Variants in ALS2 observed in about 807,000 individuals in gnomAD.
ALS2 encodes alsin Rho guanine nucleotide exchange factor ALS2, also known as alsin.
ALS2 carries 117 observed loss-of-function variants against 203.4 expected under a neutral mutation model. That is an observed-to-expected ratio of 0.58 (90% CI 0.50 to 0.67). The LOEUF is 0.67. ALS2 is among the 30% of genes least tolerant of loss of function. The probability of loss-of-function intolerance (pLI) is 0.00; values close to 1 mark genes in which losing one functional copy is unlikely to be tolerated. For missense variants in ALS2, 1,715 were observed against 1,989.4 expected (o/e 0.86, Z 2.62); for synonymous variants, 718 against 725.9 (o/e 0.99, Z 0.17).
intron 13 of ALS2, among the ~76,000 whole-genome samples, chr2:201,731,985 A>G (rs1691587059): frequency 6.6e-6 from 1 of 152,230 alleles, no homozygotes; most frequent in Non-Finnish European, 1.5e-5. Context: ...AGGGAAACTG[A>G]ACTCTGACTC....
In ALS2 at chr2:201,724,568, ATTAT is replaced by A. The variant is rs1028503431; in HGVS notation, c.3348-113_3348-110del. On this transcript the variant is annotated intron_variant, in intron 20 of 33. Coordinates refer to ENST00000264276, the MANE Select transcript of ALS2 (RefSeq NM_020919.4). ...ATACTCAGTCTCACTGGTAGCTATA[ATTAT>A]TTGTTTATATGATTATTTTTCACCA... 14 of 1,131,820 alleles carry A rather than the reference ATTAT, an allele frequency of 1.2e-5. No homozygotes were observed. In the African/African-American group the frequency reaches 2.2e-4, roughly 18 times the overall value. The allele number at this position is 1,131,820 out of a possible 1,614,324, so 70.1% of individuals were successfully genotyped here.
intron 5 of ALS2, among the ~76,000 whole-genome samples, chr2:201,755,293 G>A (rs868289124): frequency 6.6e-6 from 1 of 151,772 alleles, no homozygotes; most frequent in Non-Finnish European, 1.5e-5. Flanking sequence ...ACGGAGTTTC[G>A]CTCTTGTCAT....
intron 20 of ALS2, among the ~76,000 whole-genome samples, chr2:201,724,983 GGCGC>G (rs1691062186): frequency 6.6e-6 from 1 of 151,884 alleles, no homozygotes. Flanking sequence ...TGTGGTGGCG[GGCGC>G]CTGGAGTCCC....
At chr2:201,773,710 T>C (rs1415685233) in intron 1 of ALS2, among the ~76,000 whole-genome samples, 5 of 151,992 alleles carry the variant, frequency 3.3e-5, no homozygotes, top group African/African-American at 1.2e-4. Context: ...AACAAGACAA[T>C]AGATAATGTC....
intron 1 of ALS2, among the ~76,000 whole-genome samples, chr2:201,775,530 C>A (rs1000255413): frequency 2.0e-5 from 3 of 152,102 alleles, no homozygotes; most frequent in African/African-American, 7.2e-5. Flanking sequence ...GACTCAAACA[C>A]CTGACTTACA....
chr2:201,705,347 G>A, intron 30 of ALS2, 69 bp downstream of exon 30: 2 of 1,550,724 alleles, frequency 1.3e-6, no homozygotes, highest in South Asian at 2.2e-5. Flanking sequence ...AAATGAAAAA[G>A]TTTTGCTATC....
intron 1 of ALS2, among the ~76,000 whole-genome samples, chr2:201,772,278 T>TAACAACAAC (rs3057124): frequency 1.1e-4 from 16 of 151,086 alleles, no homozygotes; most frequent in East Asian, 5.9e-4. Context: ...GAAGTGCCCT[T>TAACAACAAC]AACAACAACA....
chr2:201,754,401 G>T, intron 6 of ALS2, 102 bp downstream of exon 6: 1 of 1,394,592 alleles, frequency 7.2e-7, no homozygotes, highest in Non-Finnish European at 1.0e-6. Context: ...AGCTAGAAGA[G>T]CCCAGATTTC....
Position 201,761,452 on chromosome 2 carries a change from C to T in ALS2, c.542G>A (p.Gly181Asp). 6.2e-7 allele frequency: 1 copy of T among 1,607,156 alleles called. No homozygotes were observed. Among genetic ancestry groups the T allele is most frequent in the Non-Finnish European group, 8.5e-7 (1 of 1,174,566 alleles). ...IWAWGTGCQL[G>D]LITTAFPVTK... Reference sequence around the variant, plus strand: ...CACTGGGAAGGCAGTGGTAATGAGACCCAACTGACAACCGGTACCCCATGC... The same window carrying T: ...CACTGGGAAGGCAGTGGTAATGAGATCCAACTGACAACCGGTACCCCATGC... Residue 181 changes from glycine (G) to aspartate (D), a missense_variant, in exon 4 of 34, where the codon GGT becomes GAT. Gly to Asp is a moderately conservative substitution (Grantham distance 94). This residue lies in a region of ALS2 where 476 missense variants were observed against 539.3 expected (regional missense o/e 0.88). Transcript: ENST00000264276.
At chr2:201,719,786 T>C (rs930299382) in intron 23 of ALS2, among the ~76,000 whole-genome samples, 4 of 152,140 alleles carry the variant, frequency 2.6e-5, no homozygotes, top group African/African-American at 9.7e-5. Flanking sequence ...CTATGACATT[T>C]TGTTAAAGCA....
At chr2:201,708,064 C>T in intron 27 of ALS2, 73 bp from the exon 28 acceptor site, 1 of 1,438,884 alleles carries the variant, frequency 6.9e-7, no homozygotes. Context: ...AACACATTTC[C>T]ATTAGTTATG....
intron 28 of ALS2, 42 bp downstream of exon 28, chr2:201,707,827 C>A: frequency 6.2e-7 from 1 of 1,606,920 alleles, no homozygotes; most frequent in South Asian, 1.1e-5. Flanking sequence ...ATCATCTAGT[C>A]ACCATTCCCT....
At chr2:201,780,527 T>TAGCTGGAAGGC (rs1448868663) in intron 1 of ALS2, among the ~76,000 whole-genome samples, 1 of 152,136 alleles carries the variant, frequency 6.6e-6, no homozygotes, top group Admixed American at 6.5e-5. Flanking sequence ...CGTGAATGAA[T>TAGCTGGAAGGC]AGCTGGAAGG....
intron 4 of ALS2, among the ~76,000 whole-genome samples, 160 bp from the exon 5 acceptor site, chr2:201,757,919 A>G (rs1055996191): frequency 4.6e-5 from 7 of 152,248 alleles, no homozygotes; most frequent in Admixed American, 3.9e-4. Context: ...CTTCTTGATC[A>G]TGGAGTTAAC....
chr2:201,741,350 G>C (rs1692253671), intron 11 of ALS2: 2 of 259,542 alleles, frequency 7.7e-6, no homozygotes, highest in Non-Finnish European at 1.5e-5. Context: ...TTTCTTCCAA[G>C]TTTTAGTACA....
At position 201,733,969 on chromosome 2, in the gene ALS2, CT is replaced by C. The variant is rs1445313150; in HGVS notation, c.2418-532del. Among the ~76,000 whole-genome samples, 8 of 152,146 alleles carry C rather than the reference CT, an allele frequency of 5.3e-5. No homozygotes were observed. The East Asian group carries it at 1.5e-3, about 29-fold the overall frequency. On this transcript the variant is annotated intron_variant, in intron 12 of 33. Transcript: ENST00000264276. ...GGAAAGTAATAAAAAGCTGCAAGAA[CT>C]AGTATTACAGTTAACAAGAAACAAT...
intron 31 of ALS2, 139 bp downstream of exon 31, chr2:201,705,000 T>C: frequency 1.1e-6 from 1 of 888,902 alleles, no homozygotes; most frequent in East Asian, 2.6e-5. Context: ...GATTTCTGAT[T>C]TCCAGATTGA....
chr2:201,745,124 G>A (rs147659923), intron 9 of ALS2, among the ~76,000 whole-genome samples: 9 of 152,318 alleles, frequency 5.9e-5, no homozygotes, highest in South Asian at 2.1e-4. Flanking sequence ...CTATTTGATC[G>A]TCTATCTAGA....
intron 25 of ALS2, 82 bp downstream of exon 25, chr2:201,715,590 G>A: frequency 2.7e-6 from 4 of 1,502,756 alleles, no homozygotes; most frequent in South Asian, 2.3e-5. Context: ...TAAATTAAAT[G>A]TGGTGAGCCT....
Sources: gnomAD v4.1 joint callset for allele counts (sites outside exome capture counted in the v4.1 genomes callset) on GRCh38, gnomAD v4.1.1 for gene constraint, gnomAD v4.1.1 regional missense constraint, MANE v1.5 for transcripts, NCBI Gene and HGNC (gene_info 2026-07-23, HGNC 2026-07-21) for gene names.